SGIP1: variants seen among roughly 807,000 people sequenced by gnomAD.
SGIP1 encodes SH3GL interacting endocytic adaptor 1, also known as SH3-containing GRB2-like protein 3-interacting protein 1.
Under a neutral mutation model 107.5 loss-of-function variants are expected in SGIP1, and 38 were observed. The ratio of observed to expected loss-of-function variants is 0.35; its 90% confidence interval spans 0.27 to 0.46. The LOEUF is 0.46. Ranked by LOEUF, SGIP1 falls within the 20% of genes least tolerant of loss-of-function variation. The pLI is 1.00. For synonymous variants in SGIP1, 365 were observed against 366.1 expected (o/e 1.00, Z 0.03); for missense variants, 929 against 1,019.5 (o/e 0.91, Z 1.21).
rs555272687 is a variant in SGIP1 at position 66,747,744 on chromosome 1, A to G, written c.*4649A>G. On this transcript the variant is annotated 3_prime_UTR_variant, in exon 25 of 25. Coordinates refer to ENST00000371037, the MANE Select transcript of SGIP1 (RefSeq NM_032291.4). ...TAAATTAAATTGAACAATACAGTAG[A>G]ATATGCAGATACATACTAAACAGAT... The G allele has an allele frequency of 1.3e-5, 2 of 152,064 alleles. No individual in the cohort carries two copies. Among genetic ancestry groups the G allele is most frequent in the South Asian group, 4.1e-4 (2 of 4,824 alleles). 9.4% of individuals were successfully genotyped at this position (152,064 alleles called of 1,614,324 possible). A position where few individuals can be genotyped will look rare whatever the true frequency, so the allele number is the denominator to read the frequency against.
At chr1:66,574,632 CA>C (rs1244565403) in intron 1 of SGIP1, among the ~76,000 whole-genome samples, 1 of 152,156 alleles carries the variant, frequency 6.6e-6, no homozygotes, top group Non-Finnish European at 1.5e-5. Context: ...CTGCCTTTGT[CA>C]CCAGACATGT....
intron 13 of SGIP1, 113 bp from the exon 14 acceptor site, chr1:66,679,565 C>A (rs991193883): frequency 1.8e-6 from 2 of 1,090,200 alleles, no homozygotes; most frequent in South Asian, 1.5e-5. Context: ...AATTGCTATT[C>A]CATTTCCAAT....
intron 1 of SGIP1, among the ~76,000 whole-genome samples, chr1:66,540,431 C>T (rs2054649229): frequency 6.6e-6 from 1 of 152,104 alleles, no homozygotes. Context: ...GCATTTCTGC[C>T]TTTCCTTTCT....
intron 1 of SGIP1, among the ~76,000 whole-genome samples, chr1:66,549,462 G>A (rs943483760): frequency 2.0e-5 from 3 of 152,126 alleles, no homozygotes; most frequent in African/African-American, 4.8e-5. Flanking sequence ...TGGGATTCTC[G>A]AAGAGCTTTT....
intron 17 of SGIP1, among the ~76,000 whole-genome samples, chr1:66,691,748 G>A (rs1459985646): frequency 6.6e-6 from 1 of 152,128 alleles, no homozygotes; most frequent in Admixed American, 6.5e-5. Context: ...TGACTTGTCT[G>A]TCAGAGAGGA....
chr1:66,652,027 G>T (rs2078859218), intron 7 of SGIP1, among the ~76,000 whole-genome samples: 3 of 152,098 alleles, frequency 2.0e-5, no homozygotes, highest in African/African-American at 7.2e-5. Context: ...AGGTAGTGAT[G>T]CCCCTATTTT....
At position 66,643,630 on chromosome 1, in the gene SGIP1, T is replaced by C. The variant is rs745934249; in HGVS notation, c.370T>C (p.Leu124=). 2.5e-6 allele frequency: 4 copies of C among 1,611,088 alleles called. No individual in the cohort carries two copies. Among genetic ancestry groups the C allele is most frequent in the East Asian group, 2.2e-5 (1 of 44,814 alleles). ...GAAATTTAATATCAAGATTAAACCATTGCAATCTAAAGACATTCTTAAGAA... is the reference window on the plus strand; with the variant it reads ...GAAATTTAATATCAAGATTAAACCACTGCAATCTAAAGACATTCTTAAGAA... ...HKKFNIKIKP[L]QSKDILKNAA... is the part of the protein sequence containing the mutation. Residue 124 remains leucine, a synonymous_variant, in exon 7 of 25, where the codon TTG becomes CTG. Coordinates refer to ENST00000371037, the MANE Select transcript of SGIP1 (RefSeq NM_032291.4).
intron 1 of SGIP1, among the ~76,000 whole-genome samples, chr1:66,615,361 G>T (rs549839977): frequency 1.1e-4 from 16 of 152,260 alleles, no homozygotes; most frequent in Non-Finnish European, 1.9e-4. Context: ...TCGAACTCCT[G>T]ACCTCAGGTG....
intron 7 of SGIP1, among the ~76,000 whole-genome samples, chr1:66,648,613 GGCATT>G (rs2078106786): frequency 1.3e-5 from 2 of 152,184 alleles, no homozygotes; most frequent in African/African-American, 4.8e-5. Flanking sequence ...GGGTGTCTAT[GGCATT>G]GCCTAGACCT....
In SGIP1 at chr1:66,749,160, A is replaced by T. The variant is rs1370984780; in HGVS notation, c.*6065A>T. On this transcript the variant is annotated 3_prime_UTR_variant, in exon 25 of 25. Coordinates refer to ENST00000371037, the MANE Select transcript of SGIP1 (RefSeq NM_032291.4). ...ACAATAAAATTATTTTAATTTTTGT[A>T]TTATTTTTAAGGCTTGCACCTATGA... is the stretch of plus-strand genomic sequence containing the variant. 6.8e-6 allele frequency among the ~76,000 whole-genome samples: 1 copy of T among 147,230 alleles called. No individual in the cohort carries two copies. Among genetic ancestry groups the T allele is most frequent in the Non-Finnish European group, 1.5e-5 (1 of 66,226 alleles).
intron 1 of SGIP1, among the ~76,000 whole-genome samples, chr1:66,569,720 T>C (rs1278429744): frequency 6.6e-6 from 1 of 151,878 alleles, no homozygotes; most frequent in Non-Finnish European, 1.5e-5. Context: ...TTTCCTACAA[T>C]GTTTTTGGTT....
At chr1:66,639,888 G>T (rs528114072) in intron 5 of SGIP1, 55 bp downstream of exon 5, 1 of 1,423,994 alleles carries the variant, frequency 7.0e-7, no homozygotes, top group African/African-American at 1.4e-5. Flanking sequence ...TTAAAAATGA[G>T]TTGAGGCATT....
chr1:66,617,452 AG>A (rs1045678234), intron 1 of SGIP1, among the ~76,000 whole-genome samples: 1 of 152,236 alleles, frequency 6.6e-6, no homozygotes, highest in Non-Finnish European at 1.5e-5. Flanking sequence ...TGATACACAA[AG>A]CACCTTAATC....
intron 1 of SGIP1, among the ~76,000 whole-genome samples, chr1:66,575,587 G>A (rs1012132840): frequency 6.6e-6 from 1 of 152,106 alleles, no homozygotes; most frequent in Non-Finnish European, 1.5e-5. Context: ...GGGTCTTCAG[G>A]AAAGTCATGC....
At chr1:66,666,952 G>A (rs2082697293) in intron 8 of SGIP1, 1 of 152,288 alleles carries the variant, frequency 6.6e-6, no homozygotes, top group Non-Finnish European at 1.5e-5. Flanking sequence ...CACATTGGTA[G>A]AGGCTGCCCA....
At chr1:66,662,779 G>A (rs1427697878) in intron 8 of SGIP1, among the ~76,000 whole-genome samples, 1 of 152,122 alleles carries the variant, frequency 6.6e-6, no homozygotes, top group Non-Finnish European at 1.5e-5. Flanking sequence ...TTCCGCATTG[G>A]AAGACCAACA....
chr1:66,545,082 A>G (rs185243654), intron 1 of SGIP1, among the ~76,000 whole-genome samples: 1 of 152,218 alleles, frequency 6.6e-6, no homozygotes, highest in African/African-American at 2.4e-5. Flanking sequence ...TCCCCTGCTA[A>G]CACATCTGAT....
In SGIP1 at chr1:66,743,115, T is replaced by A. The variant is rs370425969; in HGVS notation, c.*20T>A. On this transcript the variant is annotated 3_prime_UTR_variant, in exon 25 of 25. Coordinates refer to ENST00000371037, the MANE Select transcript of SGIP1 (RefSeq NM_032291.4). ...AACTAATGAAATCTTATGCAAGGAT[T>A]TGGAGGATTCATATAATGGAGAACT... 7.4e-6 allele frequency: 12 copies of A among 1,612,664 alleles called. No individual in the cohort carries two copies. In the Admixed American group the frequency reaches 1.0e-4, roughly 13 times the overall value.
chr1:66,536,859 G>T (rs1433984696), intron 1 of SGIP1, among the ~76,000 whole-genome samples: 1 of 152,126 alleles, frequency 6.6e-6, no homozygotes, highest in African/African-American at 2.4e-5. Context: ...TTTCTATATT[G>T]CTAAAGTGTT....
Sources: gnomAD v4.1 joint callset for allele counts (sites outside exome capture counted in the v4.1 genomes callset) on GRCh38, gnomAD v4.1.1 for gene constraint, MANE v1.5 for transcripts, NCBI Gene and HGNC (gene_info 2026-07-23, HGNC 2026-07-21) for gene names.